FAM227A: variants seen among roughly 807,000 people sequenced by gnomAD.
FAM227A encodes protein FAM227A.
In FAM227A, 80 loss-of-function variants were observed where a neutral mutation model predicts 74.7. That is an observed-to-expected ratio of 1.07 (90% CI 0.89 to 1.29). The LOEUF (loss-of-function observed/expected upper bound fraction) is 1.29, where lower values mean the gene tolerates loss of function less well. Among genes scored for constraint, FAM227A ranks in the 50% most tolerant of loss-of-function variants. The pLI is 0.00. For missense variants in FAM227A, 654 were observed against 683.4 expected, an observed-to-expected ratio of 0.96 and a Z score of 0.48; for synonymous variants, 237 against 241.8, an observed-to-expected ratio of 0.98 and a Z score of 0.19.
intron 16 of FAM227A, among the ~76,000 whole-genome samples, chr22:38,588,927 C>CA (rs781041691): frequency 0.066 from 4,028 of 60,938 alleles, 101 homozygotes; most frequent in Non-Finnish European, 0.095. Context: ...GACTCCATCT[C>CA]AAAAAAAAAA....
chr22:38,607,362 C>T, intron 12 of FAM227A, 27 bp downstream of exon 12: 3 of 1,499,130 alleles, frequency 2.0e-6, no homozygotes, highest in South Asian at 2.4e-5. Flanking sequence ...CAAAAGCCTA[C>T]ATTTCCCTTT....
At chr22:38,601,980 C>T (rs2091188767) in intron 13 of FAM227A, among the ~76,000 whole-genome samples, 1 of 151,984 alleles carries the variant, frequency 6.6e-6, no homozygotes, top group Non-Finnish European at 1.5e-5. Flanking sequence ...TTTCTTCTGC[C>T]TTTTTCCAAA....
intron 14 of FAM227A, among the ~76,000 whole-genome samples, chr22:38,597,791 C>A (rs185375157): frequency 1.8e-4 from 27 of 152,236 alleles, no homozygotes; most frequent in Non-Finnish European, 2.5e-4. Flanking sequence ...GCGGTGTAAT[C>A]CCAGCACTTT....
chr22:38,594,499 T>A (rs2091002394), intron 15 of FAM227A, among the ~76,000 whole-genome samples: 1 of 152,156 alleles, frequency 6.6e-6, no homozygotes, highest in Non-Finnish European at 1.5e-5. Flanking sequence ...AAAACAAAAA[T>A]AGAGGGAGGT....
intron 1 of FAM227A, among the ~76,000 whole-genome samples, chr22:38,652,448 C>A (rs2092336081): frequency 1.3e-5 from 2 of 150,924 alleles, no homozygotes; most frequent in African/African-American, 4.9e-5. Context: ...ATTAGCCGGG[C>A]ATGGTGGCGG....
chr22:38,586,567 C>T (rs1450818489), intron 16 of FAM227A, among the ~76,000 whole-genome samples: 1 of 152,204 alleles, frequency 6.6e-6, no homozygotes, highest in African/African-American at 2.4e-5. Flanking sequence ...TTCACACCTC[C>T]AGATGTGAAT....
Position 38,648,094 on chromosome 22 carries a change from G to A in FAM227A, c.142+1933C>T, listed in dbSNP as rs187225668. Among the ~76,000 whole-genome samples, 662 of 152,240 alleles carry A rather than the reference G, an allele frequency of 4.3e-3. 3 individuals are homozygous for A. Among genetic ancestry groups the A allele is most frequent in the Non-Finnish European group, 7.4e-3 (502 of 68,024 alleles). On this transcript the variant is annotated intron_variant, in intron 2 of 16. Coordinates refer to ENST00000535113, the MANE Select transcript of FAM227A (RefSeq NM_001013647.2). Reference sequence around the variant, plus strand: ...AAAGACCTGGGGTTATTTATAGTCCGAGAGGGTTATTTACTGGACGAGCTG... The same window carrying A: ...AAAGACCTGGGGTTATTTATAGTCCAAGAGGGTTATTTACTGGACGAGCTG...
intron 11 of FAM227A, among the ~76,000 whole-genome samples, chr22:38,613,095 TTATA>T (rs1279148444): frequency 6.7e-4 from 61 of 91,558 alleles, no homozygotes; most frequent in African/African-American, 2.9e-3. Context: ...TATATATATA[TTATA>T]TATAATTATA....
chr22:38,585,775 TG>T lies in FAM227A; in HGVS notation c.*349del. ...AGAACTTCGGAAACCTTTCTAAACC[TG>T]GGCTTGCTGCTGCGTAAAATGCAGT... On this transcript the variant is annotated 3_prime_UTR_variant, in exon 17 of 17. Coordinates refer to ENST00000535113, the MANE Select transcript of FAM227A (RefSeq NM_001013647.2). The T allele has an allele frequency of 2.6e-6, 1 of 379,358 alleles. No homozygotes were observed. Among genetic ancestry groups the T allele is most frequent in the Non-Finnish European group, 4.8e-6 (1 of 210,130 alleles). The allele number at this position is 379,358 out of a possible 1,614,324, so 23.5% of individuals were successfully genotyped here. A position where few individuals can be genotyped will look rare whatever the true frequency, so the allele number is the denominator to read the frequency against.
chr22:38,600,340 ATTTTAT>A (rs1423577703), intron 13 of FAM227A, among the ~76,000 whole-genome samples: 5 of 149,514 alleles, frequency 3.3e-5, no homozygotes, highest in Admixed American at 2.0e-4. Context: ...ATATAATTTT[ATTTTAT>A]TTTTGAGACT....
chr22:38,615,036 TAA>T lies in FAM227A; in HGVS notation c.1038+5174_1038+5175del, dbSNP rs1259543610. On this transcript the variant is annotated intron_variant, in intron 11 of 16. Coordinates refer to ENST00000535113, the MANE Select transcript of FAM227A (RefSeq NM_001013647.2). The stretch of plus-strand genomic sequence containing the variant: ...TTTGTGTTAGGTCTGTTCTAGGAGG[TAA>T]AAGAGATAGAACAGCAATAAATGTT... Among the ~76,000 whole-genome samples the T allele has an allele frequency of 4.6e-5, 7 of 152,246 alleles. No homozygotes were observed. In the East Asian group the frequency reaches 1.2e-3, roughly 25 times the overall value.
At chr22:38,620,321 C>T in intron 10 of FAM227A, 30 bp from the exon 11 acceptor site, 1 of 1,492,854 alleles carries the variant, frequency 6.7e-7, no homozygotes, top group Non-Finnish European at 9.1e-7. Flanking sequence ...GTTATTAATT[C>T]CTCTTGTCAT....
At chr22:38,603,826 C>T (rs905645801) in intron 13 of FAM227A, among the ~76,000 whole-genome samples, 1 of 151,896 alleles carries the variant, frequency 6.6e-6, no homozygotes, top group Admixed American at 6.6e-5. Flanking sequence ...ATAGAGTGAC[C>T]CCTGGTGATA....
At chr22:38,639,274 T>C (rs963672950) in intron 4 of FAM227A, among the ~76,000 whole-genome samples, 4 of 152,018 alleles carry the variant, frequency 2.6e-5, no homozygotes, top group African/African-American at 9.7e-5. Context: ...CCAGGCACGG[T>C]GGCGAGCCCC....
chr22:38,655,813 G>C (rs1487401864), intron 1 of FAM227A, among the ~76,000 whole-genome samples: 1 of 152,110 alleles, frequency 6.6e-6, no homozygotes, highest in Non-Finnish European at 1.5e-5. Flanking sequence ...AGAGAACTGC[G>C]CTTGGAGTCA....
intron 3 of FAM227A, among the ~76,000 whole-genome samples, chr22:38,640,841 C>T (rs1236010119): frequency 6.6e-6 from 1 of 152,106 alleles, no homozygotes. Context: ...CCCCATCTTT[C>T]CCTTGCATCA....
chr22:38,595,012 C>T (rs1419580435), intron 15 of FAM227A, among the ~76,000 whole-genome samples: 5 of 152,200 alleles, frequency 3.3e-5, no homozygotes, highest in Middle Eastern at 3.4e-3. Flanking sequence ...GCAGGAGAAT[C>T]GCTTGAACCT....
intron 11 of FAM227A, among the ~76,000 whole-genome samples, chr22:38,614,487 T>C (rs1412717847): frequency 6.6e-6 from 1 of 152,124 alleles, no homozygotes; most frequent in Non-Finnish European, 1.5e-5. Flanking sequence ...TGGAAAGTAA[T>C]TGCAACTCAT....
At chr22:38,634,631 C>T (rs2145638313) in intron 6 of FAM227A, among the ~76,000 whole-genome samples, 1 of 152,282 alleles carries the variant, frequency 6.6e-6, no homozygotes, top group East Asian at 1.9e-4. Flanking sequence ...CACTTCCTTG[C>T]TATTGTAACG....
Sources: allele counts gnomAD v4.1 joint callset (sites outside exome capture counted in the v4.1 genomes callset), GRCh38; gene constraint gnomAD v4.1.1; transcripts MANE v1.5; gene names NCBI Gene and HGNC (gene_info 2026-07-23, HGNC 2026-07-21).